The following SLCO1B3 variants were observed in gnomAD, a reference collection of about 807,000 sequenced individuals.
The protein encoded by SLCO1B3 is solute carrier organic anion transporter family member 1B3, also known as liver-specific organic anion transporter 2.
SLCO1B3 carries 72 observed loss-of-function variants against 71.8 expected under a neutral mutation model. The ratio of observed to expected loss-of-function variants is 1.00; its 90% CI spans 0.83 to 1.22. The LOEUF (loss-of-function observed/expected upper bound fraction) is 1.22. SLCO1B3 is among the 50% of genes most tolerant of loss of function. The probability of loss-of-function intolerance (pLI) is 0.00; values close to 1 mark genes in which losing one functional copy is unlikely to be tolerated. For synonymous variants in SLCO1B3, 298 were observed against 278.4 expected, an observed-to-expected ratio of 1.07 and a Z score of -0.70; for missense variants, 911 against 819.7, an observed-to-expected ratio of 1.11 and a Z score of -1.36.
At chr12:20,819,850 G>C (rs1346451493) in intron 3 of SLCO1B3, among the ~76,000 whole-genome samples, 1 of 152,112 alleles carries the variant, frequency 6.6e-6, no homozygotes, top group East Asian at 1.9e-4. Flanking sequence ...TCTTATACTT[G>C]TGGGTTAAGG....
intron 3 of SLCO1B3, among the ~76,000 whole-genome samples, chr12:20,820,078 T>C (rs1179952090): frequency 6.6e-6 from 1 of 152,044 alleles, no homozygotes; most frequent in East Asian, 1.9e-4. Context: ...TTAAGAGGTT[T>C]AGAAGCCTGG....
chr12:20,829,472 A>G (rs1864494911), intron 3 of SLCO1B3, among the ~76,000 whole-genome samples: 1 of 152,210 alleles, frequency 6.6e-6, no homozygotes, highest in Admixed American at 6.5e-5. Flanking sequence ...GTGAAACTCC[A>G]GAAAAGGTGT....
intron 13 of SLCO1B3, among the ~76,000 whole-genome samples, chr12:20,895,448 A>G (rs2120357177): frequency 6.6e-6 from 1 of 152,324 alleles, no homozygotes; most frequent in Admixed American, 6.5e-5. Context: ...CAAAGGGGCT[A>G]CAGGCCTTAT....
intron 14 of SLCO1B3, among the ~76,000 whole-genome samples, chr12:20,899,295 C>T (rs1866080663): frequency 5.3e-5 from 8 of 152,094 alleles, no homozygotes; most frequent in Admixed American, 5.2e-4. Flanking sequence ...GAATTGTAAA[C>T]ATTATGTGCT....
At chr12:20,830,137 G>C (rs1026894273) in intron 3 of SLCO1B3, among the ~76,000 whole-genome samples, 2 of 152,174 alleles carry the variant, frequency 1.3e-5, no homozygotes, top group African/African-American at 4.8e-5. Context: ...GCCTCTGACA[G>C]TGTGAGCAAT....
At chr12:20,822,387 G>A (rs1301725728) in intron 3 of SLCO1B3, among the ~76,000 whole-genome samples, 1 of 152,080 alleles carries the variant, frequency 6.6e-6, no homozygotes, top group Non-Finnish European at 1.5e-5. Flanking sequence ...AGGGGCGGGG[G>A]TCACAAGGTG....
At chr12:20,829,798 G>T (rs1864502059) in intron 3 of SLCO1B3, among the ~76,000 whole-genome samples, 1 of 152,088 alleles carries the variant, frequency 6.6e-6, no homozygotes, top group Non-Finnish European at 1.5e-5. Context: ...CTAAACAAGG[G>T]GTGGATTATT....
chr12:20,903,559 G>T (rs754037863), intron 15 of SLCO1B3, among the ~76,000 whole-genome samples: 1 of 152,118 alleles, frequency 6.6e-6, no homozygotes, highest in Non-Finnish European at 1.5e-5. Context: ...AGCAAGGCAT[G>T]TCTTCTCCTA....
intron 15 of SLCO1B3, among the ~76,000 whole-genome samples, chr12:20,915,271 A>G (rs1399228865): frequency 6.6e-6 from 1 of 152,086 alleles, no homozygotes; most frequent in Non-Finnish European, 1.5e-5. Context: ...TAATAAATCC[A>G]TGAAGGCATT....
chr12:20,892,701 A>G (rs1221761306), intron 13 of SLCO1B3, among the ~76,000 whole-genome samples: 4 of 152,198 alleles, frequency 2.6e-5, no homozygotes, highest in African/African-American at 9.6e-5. Flanking sequence ...GAGGAGGAAG[A>G]AAAGAAAGAG....
At chr12:20,854,925 T>A in intron 3 of SLCO1B3, 103 bp from the exon 4 acceptor site, 1 of 1,066,192 alleles carries the variant, frequency 9.4e-7, no homozygotes, top group Non-Finnish European at 1.4e-6. Context: ...TTTATGATAA[T>A]GTTTTCGAGT....
At chr12:20,895,017 A>G (rs1865976098) in intron 13 of SLCO1B3, among the ~76,000 whole-genome samples, 2 of 152,176 alleles carry the variant, frequency 1.3e-5, no homozygotes, top group South Asian at 4.1e-4. Flanking sequence ...AAAAGTACGC[A>G]TTATAAAGCA....
intron 3 of SLCO1B3, among the ~76,000 whole-genome samples, chr12:20,846,485 A>G (rs1864922451): frequency 6.6e-6 from 1 of 152,196 alleles, no homozygotes; most frequent in Non-Finnish European, 1.5e-5. Context: ...ATCAACATAT[A>G]TATTTGAAGG....
In SLCO1B3 at chr12:20,828,285, T is replaced by C. The variant is rs118136755; in HGVS notation, c.84+12463T>C. Among the ~76,000 whole-genome samples, 911 of 135,532 alleles carry C rather than the reference T, an allele frequency of 6.7e-3. 6 individuals carry two copies. The highest frequency in any genetic ancestry group is 0.05 in the Middle Eastern group (14 of 278). 88.9% of individuals were successfully genotyped at this position (135,532 alleles called of 152,430 possible). On this transcript the variant is annotated intron_variant, in intron 3 of 15. Transcript: ENST00000381545. ...TTAAACACCCATGAATAGCACCTGT[T>C]GTAAGAACTATTTTAGTAAAAAAAA...
intron 3 of SLCO1B3, among the ~76,000 whole-genome samples, chr12:20,819,386 A>C (rs981790686): frequency 6.6e-6 from 1 of 152,178 alleles, no homozygotes; most frequent in Non-Finnish European, 1.5e-5. Context: ...GCCTTGTGGC[A>C]GTGCAGCCCA....
chr12:20,839,044 C>T (rs1374647527), intron 3 of SLCO1B3, among the ~76,000 whole-genome samples: 2 of 151,816 alleles, frequency 1.3e-5, no homozygotes, highest in African/African-American at 4.8e-5. Flanking sequence ...CAAATTACAC[C>T]ATACTGCTTC....
chr12:20,871,409 G>C (rs1865472780), intron 8 of SLCO1B3, among the ~76,000 whole-genome samples: 1 of 152,006 alleles, frequency 6.6e-6, no homozygotes, highest in Admixed American at 6.6e-5. Context: ...ATTGTTCCCT[G>C]GTGCCTTATT....
At chr12:20,898,536 TA>T in intron 14 of SLCO1B3, 36 bp downstream of exon 14, 1 of 1,032,884 alleles carries the variant, frequency 9.7e-7, no homozygotes, top group Non-Finnish European at 1.5e-6. Flanking sequence ...TTTTAACATA[TA>T]AATATTAATG....
chr12:20,847,705 A>G (rs1340757749), intron 3 of SLCO1B3, among the ~76,000 whole-genome samples: 9 of 151,840 alleles, frequency 5.9e-5, no homozygotes, highest in African/African-American at 2.2e-4. Context: ...GAAAATATAT[A>G]TATATATATG....
Sources: allele counts gnomAD v4.1 joint callset (sites outside exome capture counted in the v4.1 genomes callset), GRCh38; gene constraint gnomAD v4.1.1; transcripts MANE v1.5; gene names NCBI Gene and HGNC (gene_info 2026-07-23, HGNC 2026-07-21).